The following KSR1 variants were observed in gnomAD, a reference collection of about 807,000 sequenced individuals.
KSR1 encodes kinase suppressor of ras.
KSR1 carries 35 observed loss-of-function variants against 92.9 expected under a neutral mutation model. That is an observed-to-expected ratio of 0.38 (90% CI 0.29 to 0.50). The LOEUF (loss-of-function observed/expected upper bound fraction) is 0.50. Ranked by LOEUF, KSR1 falls within the 20% of genes least tolerant of loss-of-function variation. The probability of loss-of-function intolerance (pLI) is 0.94; values close to 1 mark genes in which losing one functional copy is unlikely to be tolerated. For missense variants in KSR1, 972 were observed against 1,158.5 expected (o/e 0.84, Z 2.34); for synonymous variants, 467 against 472.6 (o/e 0.99, Z 0.15).
At chr17:27,491,007 T>G (rs1161854170) in intron 1 of KSR1, among the ~76,000 whole-genome samples, 1 of 152,200 alleles carries the variant, frequency 6.6e-6, no homozygotes, top group Non-Finnish European at 1.5e-5. Context: ...CAGAACAATA[T>G]ATATAGTATG....
chr17:27,613,792 C>G (rs2073985356), intron 18 of KSR1, among the ~76,000 whole-genome samples: 1 of 152,188 alleles, frequency 6.6e-6, no homozygotes, highest in African/African-American at 2.4e-5. Flanking sequence ...GCTGAAGTAA[C>G]CACTGCTTTC....
chr17:27,598,989 A>G (rs2073447816), intron 10 of KSR1, among the ~76,000 whole-genome samples: 1 of 152,216 alleles, frequency 6.6e-6, no homozygotes, highest in Non-Finnish European at 1.5e-5. Context: ...GGAAAAGATT[A>G]TAGTCACGTG....
Position 27,588,461 on chromosome 17 carries a change from C to T in KSR1, c.986-14C>T, listed in dbSNP as rs372160255. 2.3e-4 allele frequency: 366 copies of T among 1,568,678 alleles called. No homozygotes were observed. The highest frequency in any genetic ancestry group is 2.9e-4 in the Non-Finnish European group (335 of 1,156,902). Reference sequence around the variant, plus strand: ...GAGTTCCTCAGCCTGCCCATCCGGCCTCTTTCCCTGCAGATCTCTCGCATG... The same window carrying T: ...GAGTTCCTCAGCCTGCCCATCCGGCTTCTTTCCCTGCAGATCTCTCGCATG... On this transcript the variant is annotated splice_polypyrimidine_tract_variant and intron_variant, in intron 5 of 20. Coordinates refer to ENST00000644974, the MANE Select transcript of KSR1 (RefSeq NM_001394583.1).
intron 1 of KSR1, among the ~76,000 whole-genome samples, chr17:27,478,355 T>C (rs2068406986): frequency 6.6e-6 from 1 of 152,184 alleles, no homozygotes; most frequent in South Asian, 2.1e-4. Flanking sequence ...GTTATTTTGC[T>C]TTTCTGGGTT....
At chr17:27,527,238 C>T (rs1049444748) in intron 1 of KSR1, 2 of 223,416 alleles carry the variant, frequency 9.0e-6, no homozygotes, top group Non-Finnish European at 9.4e-6. Context: ...CACTATATTT[C>T]CCCTGGCCGC....
At chr17:27,601,241 G>T (rs764006985) in intron 10 of KSR1, 119 bp from the exon 11 acceptor site, 99 of 830,818 alleles carry the variant, frequency 1.2e-4, no homozygotes, top group Non-Finnish European at 1.7e-4. Context: ...TCCATCTGGG[G>T]TAGGGCTGTC....
chr17:27,459,940 G>A lies in KSR1; in HGVS notation c.231+3066G>A, dbSNP rs1419915739. 6.6e-5 allele frequency among the ~76,000 whole-genome samples: 10 copies of A among 152,190 alleles called. No homozygotes were observed. Among genetic ancestry groups the A allele is most frequent in the African/African-American group, 2.4e-4 (10 of 41,436 alleles). The stretch of plus-strand genomic sequence containing the variant: ...ACGTTTGCTGCCTGTGTGCCTAGCA[G>A]CGTGCCTGACTCTTCTCAAACTCAC... On this transcript the variant is annotated intron_variant, in intron 1 of 20. Coordinates refer to ENST00000644974, the MANE Select transcript of KSR1 (RefSeq NM_001394583.1). This position sits in a 1 kb window ranked among gnomAD's most constrained non-coding sequence, Gnocchi z 4.6.
At chr17:27,582,542 A>T (rs2072803580) in intron 3 of KSR1, 104 bp from the exon 4 acceptor site, 1 of 1,022,620 alleles carries the variant, frequency 9.8e-7, no homozygotes, top group Non-Finnish European at 1.4e-6. Flanking sequence ...CTTAAGAAAC[A>T]GTGCAGCCTC....
At chr17:27,606,942 G>A (rs937344084) in intron 14 of KSR1, among the ~76,000 whole-genome samples, 9 of 152,068 alleles carry the variant, frequency 5.9e-5, no homozygotes, top group African/African-American at 1.4e-4. Context: ...AGCAATTTTC[G>A]TGCCTCAGCC....
intron 20 of KSR1, among the ~76,000 whole-genome samples, chr17:27,621,579 C>A (rs530488679): frequency 2.6e-4 from 40 of 152,252 alleles, no homozygotes; most frequent in Non-Finnish European, 5.3e-4. Flanking sequence ...GGATCCCAGT[C>A]CCCCTGGCCA....
At chr17:27,521,077 T>C (rs2070006734) in intron 1 of KSR1, among the ~76,000 whole-genome samples, 2 of 152,218 alleles carry the variant, frequency 1.3e-5, no homozygotes. Flanking sequence ...TTCTGAACCC[T>C]GTCCTCATGT....
chr17:27,594,535 C>G (rs374440330), intron 9 of KSR1, among the ~76,000 whole-genome samples: 1 of 152,132 alleles, frequency 6.6e-6, no homozygotes, highest in Non-Finnish European at 1.5e-5. Context: ...ATGAGCCCCT[C>G]CTGCGTGCAC....
chr17:27,609,873 G>A, intron 16 of KSR1, 194 bp from the exon 17 acceptor site: 1 of 593,088 alleles, frequency 1.7e-6, no homozygotes, highest in Non-Finnish European at 2.8e-6. Flanking sequence ...GAAACAACCG[G>A]TCATGACTCC....
At chr17:27,527,750 A>G (rs2070373293) in intron 1 of KSR1, among the ~76,000 whole-genome samples, 1 of 152,312 alleles carries the variant, frequency 6.6e-6, no homozygotes, top group African/African-American at 2.4e-5. Flanking sequence ...AAACAATAAT[A>G]TCTTGGGCTT....
chr17:27,552,583 AC>A (rs2071434037), intron 2 of KSR1, among the ~76,000 whole-genome samples: 2 of 152,106 alleles, frequency 1.3e-5, no homozygotes, highest in Non-Finnish European at 2.9e-5. Flanking sequence ...TCCATGAGTC[AC>A]CTGCCATGAG....
intron 1 of KSR1, among the ~76,000 whole-genome samples, chr17:27,501,878 A>C (rs2069204202): frequency 6.6e-6 from 1 of 152,254 alleles, no homozygotes; most frequent in Admixed American, 6.5e-5. Flanking sequence ...TTCTCATAAT[A>C]ACTTGATGGA....
chr17:27,541,426 C>T (rs1187618115), intron 1 of KSR1, among the ~76,000 whole-genome samples: 1 of 152,076 alleles, frequency 6.6e-6, no homozygotes, highest in Non-Finnish European at 1.5e-5. Context: ...GGGGTACAGC[C>T]CAGAGGGTAG....
chr17:27,587,732 A>G lies in KSR1; in HGVS notation c.986-743A>G, dbSNP rs1043345546. 1.8e-4 allele frequency: 27 copies of G among 152,304 alleles called. 1 individual carries two copies. 9.4% of individuals were successfully genotyped at this position (152,304 alleles called of 1,614,324 possible). The stretch of plus-strand genomic sequence containing the variant: ...AGAGAGTGCTTCCAGCAGCTTGTCT[A>G]CTGCACTAGGGATGCCTGTTCTTAC... On this transcript the variant is annotated intron_variant, in intron 5 of 20. Transcript: ENST00000644974.
intron 1 of KSR1, among the ~76,000 whole-genome samples, chr17:27,458,994 T>G (rs1308528374): frequency 3.9e-5 from 6 of 152,188 alleles, no homozygotes; most frequent in Non-Finnish European, 7.3e-5. Context: ...CTACCCTGGT[T>G]TAAGAATAAC....
Sources: allele counts gnomAD v4.1 joint callset (sites outside exome capture counted in the v4.1 genomes callset), GRCh38; gene constraint gnomAD v4.1.1; non-coding constraint Gnocchi (gnomAD v3.1); transcripts MANE v1.5; gene names NCBI Gene and HGNC (gene_info 2026-07-23, HGNC 2026-07-21).